ITGAE: variants seen among roughly 807,000 people sequenced by gnomAD.
The protein encoded by ITGAE is integrin subunit alpha E.
In ITGAE, 99 loss-of-function variants were observed where a neutral mutation model predicts 136.5. That is an observed-to-expected ratio of 0.73 (90% CI 0.62 to 0.86). The LOEUF (loss-of-function observed/expected upper bound fraction) is 0.86, where lower values mean the gene tolerates loss of function less well. ITGAE is among the 40% of genes least tolerant of loss of function. The pLI is 0.00. For synonymous variants in ITGAE, 613 were observed against 591.8 expected (o/e 1.04, Z -0.52); for missense variants, 1,447 against 1,515.3 (o/e 0.95, Z 0.75).
intron 1 of ITGAE, among the ~76,000 whole-genome samples, chr17:3,785,424 G>A (rs1007223142): frequency 1.4e-4 from 21 of 151,514 alleles, no homozygotes; most frequent in South Asian, 4.2e-4. Context: ...AGCCGAGATC[G>A]TGCCATTGCA....
rs71153402 is a variant in ITGAE at position 3,785,496 on chromosome 17, GAGGAAGGAAGGAAGGA to G, written c.35-7852_35-7837del. Among the ~76,000 whole-genome samples the G allele has an allele frequency of 6.4e-3, 691 of 107,800 alleles. 2 individuals carry two copies. The highest frequency in any genetic ancestry group is 0.022 in the Middle Eastern group (4 of 178). 70.7% of individuals were successfully genotyped at this position (107,800 alleles called of 152,430 possible). On this transcript the variant is annotated intron_variant, in intron 1 of 30. Coordinates refer to ENST00000263087, the MANE Select transcript of ITGAE (RefSeq NM_002208.5). ...GAAAGAAAGGAAGGAAGGAAGGAAG[GAGGAAGGAAGGAAGGA>G]AGGAAGGAAGGAAGGAAGGAAGGAA...
chr17:3,719,532 A>C (rs1299951114), intron 29 of ITGAE, among the ~76,000 whole-genome samples: 2 of 152,176 alleles, frequency 1.3e-5, no homozygotes, highest in African/African-American at 4.8e-5. Context: ...CAGTCCACAA[A>C]TCACAGGCAT....
intron 23 of ITGAE, 78 bp downstream of exon 23, chr17:3,731,026 C>T (rs1216430725): frequency 1.7e-6 from 2 of 1,203,886 alleles, no homozygotes; most frequent in Non-Finnish European, 2.5e-6. Flanking sequence ...GGGGCCGTTC[C>T]TCTCACAGCG....
Position 3,714,796 on chromosome 17 carries a change from G to T in ITGAE, c.*51C>A, listed in dbSNP as rs901312844. The T allele has an allele frequency of 5.0e-6, 5 of 999,832 alleles. No homozygotes were observed. The highest frequency in any genetic ancestry group is 7.9e-6 in the Non-Finnish European group (5 of 634,114). 61.9% of individuals were successfully genotyped at this position (999,832 alleles called of 1,614,324 possible). A position where few individuals can be genotyped will look rare whatever the true frequency, so the allele number is the denominator to read the frequency against. On this transcript the variant is annotated 3_prime_UTR_variant, in exon 31 of 31. Coordinates refer to ENST00000263087, the MANE Select transcript of ITGAE (RefSeq NM_002208.5). ...GAAAAAGTAATGCAAAGGATGCTGG[G>T]TCTCCAAGTCCCAGGACTGGCTGAT...
intron 29 of ITGAE, among the ~76,000 whole-genome samples, chr17:3,719,450 T>C (rs1023144197): frequency 1.4e-4 from 21 of 152,158 alleles, no homozygotes; most frequent in African/African-American, 4.6e-4. Flanking sequence ...AGCTCACAGA[T>C]AGATCACCTC....
rs2051983525 is a variant in ITGAE at position 3,755,103 on chromosome 17, G to GGCCCCGCCCTCATCAGGTA, written c.1384+13_1384+14insTACCTGATGAGGGCGGGGC. 1.9e-6 allele frequency: 3 copies of GGCCCCGCCCTCATCAGGTA among 1,580,524 alleles called. No individual in the cohort carries two copies. Among genetic ancestry groups the GGCCCCGCCCTCATCAGGTA allele is most frequent in the Admixed American group, 1.8e-5 (1 of 56,268 alleles). ...TCAGGTGGCCCCGCCCTCATCAGGTGGCCCCGCCCTCACCCAGGTAGCTGT... is the reference window on the plus strand; with the variant it reads ...TCAGGTGGCCCCGCCCTCATCAGGTGGCCCCGCCCTCATCAGGTAGCCCCGCCCTCACCCAGGTAGCTGT... On this transcript the variant is annotated intron_variant, in intron 12 of 30. Transcript: ENST00000263087.
intron 18 of ITGAE, among the ~76,000 whole-genome samples, chr17:3,744,695 C>T (rs1165438662): frequency 6.6e-6 from 1 of 152,088 alleles, no homozygotes; most frequent in Non-Finnish European, 1.5e-5. Flanking sequence ...GTGATCCTCC[C>T]ACCTCGGCCT....
At chr17:3,767,722 C>CA (rs2052332691) in intron 2 of ITGAE, among the ~76,000 whole-genome samples, 2 of 151,998 alleles carry the variant, frequency 1.3e-5, no homozygotes, top group East Asian at 1.9e-4. Context: ...CTCCCGGGCT[C>CA]AGCAATCCTC....
intron 2 of ITGAE, among the ~76,000 whole-genome samples, chr17:3,771,479 G>A (rs1367298299): frequency 1.3e-5 from 2 of 151,896 alleles, no homozygotes; most frequent in Non-Finnish European, 2.9e-5. Context: ...CTTACACAGT[G>A]CTTCACTCTG....
chr17:3,724,681 T>A lies in ITGAE; in HGVS notation c.3085-937A>T, dbSNP rs201618717. ...CTCAGGTCAGTTCTCTTTGGCCTTATGAACTCAGGAACCCCTGAGGATTCT... is the reference window on the plus strand; with the variant it reads ...CTCAGGTCAGTTCTCTTTGGCCTTAAGAACTCAGGAACCCCTGAGGATTCT... On this transcript the variant is annotated intron_variant, in intron 26 of 30. Coordinates refer to ENST00000263087, the MANE Select transcript of ITGAE (RefSeq NM_002208.5). 4.8e-5 allele frequency: 78 copies of A among 1,614,230 alleles called. No homozygotes were observed. Among genetic ancestry groups the A allele is most frequent in the Non-Finnish European group, 4.7e-5 (55 of 1,180,034 alleles).
rs1199320992 is a variant in ITGAE, at chr17:3,734,212, A to T, written c.2655+605T>A. The stretch of plus-strand genomic sequence containing the variant: ...CAGCCTCCCGAGTAGCTGGGACTAC[A>T]GGCACCCGCCATCGCGCCCAGCTAA... On this transcript the variant is annotated intron_variant, in intron 21 of 30. Transcript: ENST00000263087. Among the ~76,000 whole-genome samples the T allele has an allele frequency of 1.1e-4, 16 of 149,596 alleles. No individual in the cohort carries two copies. In the Admixed American group the frequency reaches 1.1e-3, roughly 10 times the overall value.
chr17:3,776,054 C>CTTTGTTT (rs2052531393), intron 2 of ITGAE, among the ~76,000 whole-genome samples: 1 of 122,850 alleles, frequency 8.1e-6, no homozygotes, highest in African/African-American at 3.2e-5. Flanking sequence ...GTGCTAAGCC[C>CTTTGTTT]TTTTTTTTTT....
chr17:3,745,411 G>A (rs149535182), intron 18 of ITGAE, among the ~76,000 whole-genome samples: 2,196 of 152,072 alleles, frequency 0.014, 19 homozygotes, highest in African/African-American at 0.021. Context: ...GCATGATTTC[G>A]GCTCACTGCA....
chr17:3,743,392 G>A, intron 19 of ITGAE, 97 bp downstream of exon 19: 2 of 1,381,430 alleles, frequency 1.4e-6, no homozygotes, highest in South Asian at 3.1e-5. Context: ...TGAAGACATT[G>A]CCTCCCAACT....
At position 3,714,861 on chromosome 17, in the gene ITGAE, C is replaced by T. The variant is rs371497317; in HGVS notation, c.3526G>A (p.Glu1176Lys). Residue 1176 changes from glutamate (E) to lysine (K), a missense_variant, in exon 31 of 31, where the codon GAA becomes AAA. Transcript: ENST00000263087. Reference protein sequence around the residue: ...KAQLKSENLLEEEN With the variant: ...KAQLKSENLLKEEN ...GATAGCAGGTCCTAATTCTCTTCTT[C>T]GAGCAGATTCTCTGATTTCAGCTGG... The T allele has an allele frequency of 5.6e-6, 9 of 1,604,630 alleles. No homozygotes were observed. Among genetic ancestry groups the T allele is most frequent in the African/African-American group, 2.7e-5 (2 of 74,720 alleles).
At chr17:3,745,219 G>A (rs935573629) in intron 18 of ITGAE, among the ~76,000 whole-genome samples, 1 of 152,146 alleles carries the variant, frequency 6.6e-6, no homozygotes, top group African/African-American at 2.4e-5. Context: ...CTCGGTCCTA[G>A]TTATTATCAG....
At position 3,747,912 on chromosome 17, in the gene ITGAE, AT is replaced by A; in HGVS notation, c.2155+9del. On this transcript the variant is annotated intron_variant, in intron 17 of 30. Transcript: ENST00000263087. ...ACACCAGGCAGGGGTCAGCTGGACC[AT>A]TTTTTTACCTGACTCAGAGGCTGTG... 3 of 1,544,540 alleles carry A rather than the reference AT, an allele frequency of 1.9e-6. No individual in the cohort carries two copies. Among genetic ancestry groups the A allele is most frequent in the Admixed American group, 1.8e-5 (1 of 56,806 alleles).
At chr17:3,755,392 C>T in intron 11 of ITGAE, 131 bp from the exon 12 acceptor site, 1 of 1,105,542 alleles carries the variant, frequency 9.0e-7, no homozygotes, top group Non-Finnish European at 1.2e-6. Flanking sequence ...CTAGTGCCCG[C>T]CTGGCCAGAG....
intron 18 of ITGAE, among the ~76,000 whole-genome samples, chr17:3,744,173 T>C (rs2051658174): frequency 6.6e-6 from 1 of 151,750 alleles, no homozygotes; most frequent in East Asian, 2.0e-4. Flanking sequence ...CACCGCACCT[T>C]GCAAGAATAC....
Sources: gnomAD v4.1 joint callset for allele counts (sites outside exome capture counted in the v4.1 genomes callset) on GRCh38, gnomAD v4.1.1 for gene constraint, MANE v1.5 for transcripts, NCBI Gene and HGNC (gene_info 2026-07-23, HGNC 2026-07-21) for gene names.